The following DSCAM variants were observed in gnomAD, a reference collection of about 807,000 sequenced individuals.
The protein encoded by DSCAM is cell adhesion molecule DSCAM.
A neutral mutation model predicts 217.7 loss-of-function variants in DSCAM; 47 were observed. The observed-to-expected ratio is 0.22, with a 90% CI of 0.17 to 0.28. DSCAM has a LOEUF of 0.28. DSCAM is among the 10% of genes least tolerant of loss of function. The pLI, the probability that DSCAM is intolerant of heterozygous loss-of-function variation, is 1.00. For synonymous variants in DSCAM, 1,056 were observed against 1,015.3 expected (o/e 1.04, Z -0.76); for missense variants, 2,080 against 2,618.3 (o/e 0.79, Z 4.49).
intron 3 of DSCAM, among the ~76,000 whole-genome samples, chr21:40,478,405 T>C (rs751646669): frequency 3.3e-5 from 5 of 152,186 alleles, no homozygotes; most frequent in Non-Finnish European, 2.9e-5. Context: ...GGCTTTGCCA[T>C]AGGGTAGGCA....
intron 19 of DSCAM, among the ~76,000 whole-genome samples, chr21:40,131,141 C>G (rs2090150535): frequency 6.6e-6 from 1 of 152,192 alleles, no homozygotes; most frequent in African/African-American, 2.4e-5. Context: ...GTAATCCAAA[C>G]TTCAAAATTA....
At chr21:40,841,192 G>A (rs978491018) in intron 1 of DSCAM, among the ~76,000 whole-genome samples, 2 of 152,108 alleles carry the variant, frequency 1.3e-5, no homozygotes, top group African/African-American at 2.4e-5. Context: ...CCTTCTGAAC[G>A]TCCTGGTCAG....
At chr21:40,208,852 C>T (rs544165854) in intron 11 of DSCAM, among the ~76,000 whole-genome samples, 1 of 152,280 alleles carries the variant, frequency 6.6e-6, no homozygotes, top group South Asian at 2.1e-4. Flanking sequence ...AAATCTAAAA[C>T]AGGCCAATCT....
intron 3 of DSCAM, among the ~76,000 whole-genome samples, chr21:40,536,445 A>G (rs1253822197): frequency 2.4e-5 from 3 of 126,094 alleles, no homozygotes; most frequent in Non-Finnish European, 4.8e-5. Flanking sequence ...TGTGTCCCCC[A>G]GGCTGGAGTG....
intron 3 of DSCAM, among the ~76,000 whole-genome samples, chr21:40,617,119 C>CTTTT (rs1178735630): frequency 6.2e-5 from 7 of 112,666 alleles, no homozygotes; most frequent in African/African-American, 2.2e-4. Flanking sequence ...CAGAACCAGT[C>CTTTT]TTTTTTTTTT....
At chr21:40,257,016 C>A (rs1187265461) in intron 11 of DSCAM, among the ~76,000 whole-genome samples, 2 of 152,176 alleles carry the variant, frequency 1.3e-5, no homozygotes, top group African/African-American at 2.4e-5. Flanking sequence ...CCTTAATGTC[C>A]CGTAACTTTA....
chr21:40,211,135 T>C (rs1172438076), intron 11 of DSCAM, among the ~76,000 whole-genome samples: 1 of 152,220 alleles, frequency 6.6e-6, no homozygotes, highest in Non-Finnish European at 1.5e-5. Context: ...TGAAGTTGGC[T>C]TTTTTTCACT....
At chr21:40,640,087 G>A (rs959376915) in intron 3 of DSCAM, among the ~76,000 whole-genome samples, 5 of 152,168 alleles carry the variant, frequency 3.3e-5, no homozygotes, top group Non-Finnish European at 5.9e-5. Context: ...GAATAAGGAC[G>A]CAAAGCAGGG....
intron 3 of DSCAM, among the ~76,000 whole-genome samples, chr21:40,535,227 G>C (rs2076486199): frequency 6.6e-6 from 1 of 152,198 alleles, no homozygotes; most frequent in Admixed American, 6.5e-5. Flanking sequence ...TCTTAGAACA[G>C]TGCTTCATGT....
intron 1 of DSCAM, among the ~76,000 whole-genome samples, chr21:40,804,127 G>T (rs1444452950): frequency 6.6e-6 from 1 of 152,162 alleles, no homozygotes; most frequent in Non-Finnish European, 1.5e-5. Context: ...TGGAGACAGT[G>T]ACCTGTGCAG....
Position 40,751,023 on chromosome 21 carries a change from A to G in DSCAM, c.44-42252T>C, listed in dbSNP as rs189066031. On this transcript the variant is annotated intron_variant, in intron 1 of 32. Coordinates refer to ENST00000400454, the MANE Select transcript of DSCAM (RefSeq NM_001389.5). The stretch of plus-strand genomic sequence containing the variant: ...TAAGTCATATAATGCCACCCTGTTC[A>G]AAAACCTCCAACATCCTCTCTGTCC... 3.3e-5 allele frequency among the ~76,000 whole-genome samples: 5 copies of G among 152,234 alleles called. No homozygotes were observed. The East Asian group carries it at 9.7e-4, about 30-fold the overall frequency.
chr21:40,304,389 G>C (rs1193013004), intron 9 of DSCAM, among the ~76,000 whole-genome samples: 5 of 152,212 alleles, frequency 3.3e-5, no homozygotes, highest in African/African-American at 9.6e-5. Context: ...GGCTGGTTTG[G>C]TTTTCTCTAT....
At chr21:40,822,081 G>C (rs1235966078) in intron 1 of DSCAM, among the ~76,000 whole-genome samples, 2 of 151,652 alleles carry the variant, frequency 1.3e-5, no homozygotes, top group African/African-American at 4.8e-5. Context: ...CACTTTGGGA[G>C]GCTGAGGCAG....
intron 10 of DSCAM, among the ~76,000 whole-genome samples, chr21:40,291,555 G>A (rs1245581670): frequency 6.6e-6 from 1 of 152,182 alleles, no homozygotes; most frequent in Non-Finnish European, 1.5e-5. Flanking sequence ...CCTCCTTGGT[G>A]TTTCTGGATC....
intron 29 of DSCAM, 92 bp from the exon 30 acceptor site, chr21:40,052,199 T>G: frequency 7.0e-7 from 1 of 1,418,562 alleles, no homozygotes; most frequent in South Asian, 1.3e-5. Flanking sequence ...CTTGTGTTAT[T>G]GTTAATGACA....
chr21:40,082,232 G>T (rs910431376), intron 24 of DSCAM, among the ~76,000 whole-genome samples: 4 of 152,262 alleles, frequency 2.6e-5, no homozygotes, highest in East Asian at 1.9e-4. Flanking sequence ...AAGCCAAGGC[G>T]GGTAGATCAC....
chr21:40,227,014 C>T (rs2091339242), intron 11 of DSCAM, among the ~76,000 whole-genome samples: 1 of 152,072 alleles, frequency 6.6e-6, no homozygotes, highest in African/African-American at 2.4e-5. Context: ...GTTTTCTGTC[C>T]CTCCGTTAGT....
At chr21:40,643,547 G>A (rs2089908609) in intron 3 of DSCAM, among the ~76,000 whole-genome samples, 1 of 152,168 alleles carries the variant, frequency 6.6e-6, no homozygotes, top group African/African-American at 2.4e-5. Flanking sequence ...GATGGCAGAG[G>A]TTCAACTAAT....
intron 3 of DSCAM, among the ~76,000 whole-genome samples, chr21:40,596,980 A>G (rs1351439130): frequency 6.6e-6 from 1 of 152,044 alleles, no homozygotes; most frequent in Admixed American, 6.5e-5. Context: ...CATCTTCTAC[A>G]CTTGTCTTTT....
Sources: allele counts gnomAD v4.1 joint callset (sites outside exome capture counted in the v4.1 genomes callset), GRCh38; gene constraint gnomAD v4.1.1; transcripts MANE v1.5; gene names NCBI Gene and HGNC (gene_info 2026-07-23, HGNC 2026-07-21).